Variants in ZNF611 observed in about 807,000 individuals in gnomAD.
The protein encoded by ZNF611 is zinc finger protein 611.
In ZNF611, 6 loss-of-function variants were observed where a neutral mutation model predicts 8.9. The observed-to-expected ratio is 0.68, with a 90% CI of 0.37 to 1.34. The LOEUF is 1.34. ZNF611 is among the 40% of genes most tolerant of loss of function. The pLI, the probability that ZNF611 is intolerant of heterozygous loss-of-function variation, is 0.02. For synonymous variants in ZNF611, 262 were observed against 279.7 expected (o/e 0.94, Z 0.63); for missense variants, 874 against 841.3 (o/e 1.04, Z -0.48).
Position 52,704,714 on chromosome 19 carries a change from C to A in ZNF611, c.*223G>T. ...TCAAGTTTCCCTACACCATGAATTG[C>A]CTGATGGTGAATAAGTGTTGACTGC... On this transcript the variant is annotated 3_prime_UTR_variant, in exon 6 of 6. Coordinates refer to ENST00000652185, the MANE Select transcript of ZNF611 (RefSeq NM_001161499.2). 1.3e-6 allele frequency: 2 copies of A among 1,597,592 alleles called. No individual in the cohort carries two copies. Among genetic ancestry groups the A allele is most frequent in the Admixed American group, 3.4e-5 (2 of 59,632 alleles).
intron 3 of ZNF611, among the ~76,000 whole-genome samples, chr19:52,718,831 C>T (rs751411417): frequency 5.9e-5 from 9 of 151,760 alleles, no homozygotes; most frequent in East Asian, 5.8e-4. Flanking sequence ...ACAAAAAACC[C>T]GACAACAACA....
At chr19:52,716,016 C>A in intron 3 of ZNF611, 103 bp from the exon 4 acceptor site, 1 of 1,296,102 alleles carries the variant, frequency 7.7e-7, no homozygotes, top group South Asian at 1.3e-5. Flanking sequence ...GAAAGAAGTC[C>A]CCCACTGCCC....
At chr19:52,718,019 T>C (rs920946919) in intron 3 of ZNF611, among the ~76,000 whole-genome samples, 3 of 152,012 alleles carry the variant, frequency 2.0e-5, no homozygotes, top group Non-Finnish European at 4.4e-5. Context: ...AAATCTTGGG[T>C]CAAAGGAGAA....
chr19:52,705,809 G>A lies in ZNF611; in HGVS notation c.1246C>T (p.His416Tyr). The part of the protein sequence containing the change: ...AFTWHSQLAR[H>Y]RRIHTAKKTY... ...TTCTTTGCAGTATGAATTCTTCTAT[G>A]TCGAGCCAGCTGTGAATGCCACGTG... is the stretch of plus-strand genomic sequence containing the variant. The change falls in exon 6 of 6, where the codon CAT becomes TAT. Residue 416 changes from histidine (H) to tyrosine (Y), a missense_variant. Coordinates refer to ENST00000652185, the MANE Select transcript of ZNF611 (RefSeq NM_001161499.2). 3 of 1,613,918 alleles carry A rather than the reference G, an allele frequency of 1.9e-6. No individual in the cohort carries two copies. The highest frequency in any genetic ancestry group is 2.5e-6 in the Non-Finnish European group (3 of 1,179,988).
chr19:52,713,216 C>A (rs1444013284), intron 5 of ZNF611, among the ~76,000 whole-genome samples: 1 of 151,994 alleles, frequency 6.6e-6, no homozygotes, highest in East Asian at 1.9e-4. Flanking sequence ...AACAAAAAAA[C>A]AACAACATAG....
chr19:52,733,186 C>T (rs867322040), intron 1 of ZNF611, among the ~76,000 whole-genome samples: 1 of 152,170 alleles, frequency 6.6e-6, no homozygotes, highest in African/African-American at 2.4e-5. Flanking sequence ...AATTCTCAAT[C>T]TCATCTGTGT....
At chr19:52,709,729 G>A (rs150648594) in intron 5 of ZNF611, among the ~76,000 whole-genome samples, 4,627 of 151,996 alleles carry the variant, frequency 0.03, 138 homozygotes, top group African/African-American at 0.075. Flanking sequence ...CACCACTCCC[G>A]GCTAATTTTG....
chr19:52,733,297 C>T (rs2062436739), intron 1 of ZNF611, among the ~76,000 whole-genome samples: 1 of 152,140 alleles, frequency 6.6e-6, no homozygotes. Context: ...AACCCAGTCT[C>T]TCGCCCCTTT....
intron 3 of ZNF611, among the ~76,000 whole-genome samples, chr19:52,717,351 A>G (rs1233252952): frequency 6.6e-6 from 1 of 152,222 alleles, no homozygotes; most frequent in Non-Finnish European, 1.5e-5. Context: ...TACCAGAACA[A>G]GGACCTAGAA....
chr19:52,717,835 G>A (rs1471435744), intron 3 of ZNF611: 1 of 271,396 alleles, frequency 3.7e-6, no homozygotes, highest in Non-Finnish European at 5.6e-6. Context: ...AAGGAAAAAA[G>A]GTCCTTGATA....
Position 52,704,422 on chromosome 19 carries a change from C to A in ZNF611, c.*515G>T. The A allele has an allele frequency of 1.4e-6, 1 of 698,664 alleles. No individual in the cohort carries two copies. The highest frequency in any genetic ancestry group is 2.7e-6 in the Non-Finnish European group (1 of 373,588). 43.3% of individuals were successfully genotyped at this position (698,664 alleles called of 1,614,324 possible). A position where few individuals can be genotyped will look rare whatever the true frequency, so the allele number is the denominator to read the frequency against. ...TGAACGTGAAGCAAAGGCTTTGCCA[C>A]AATCATCACACTTGTGAGGTTTCTC... On this transcript the variant is annotated 3_prime_UTR_variant, in exon 6 of 6. Coordinates refer to ENST00000652185, the MANE Select transcript of ZNF611 (RefSeq NM_001161499.2).
chr19:52,703,358 T>G lies in ZNF611; in HGVS notation c.*1579A>C, dbSNP rs1367998609. ...GTATAGTGGCACAATTTTGGTTCAC[T>G]GCAACTTCTACCTCCTAGGTTTAAG... is the stretch of plus-strand genomic sequence containing the variant. On this transcript the variant is annotated 3_prime_UTR_variant, in exon 6 of 6. Coordinates refer to ENST00000652185, the MANE Select transcript of ZNF611 (RefSeq NM_001161499.2). The G allele has an allele frequency of 6.6e-6, 1 of 152,138 alleles. No homozygotes were observed. Among genetic ancestry groups the G allele is most frequent in the Non-Finnish European group, 1.5e-5 (1 of 68,032 alleles). The allele number at this position is 152,138 out of a possible 1,614,324, so 9.4% of individuals were successfully genotyped here.
rs1405366388 is a variant in ZNF611, at chr19:52,714,951, T to C, written c.64-810A>G. On this transcript the variant is annotated intron_variant, in intron 4 of 5. Coordinates refer to ENST00000652185, the MANE Select transcript of ZNF611 (RefSeq NM_001161499.2). The stretch of plus-strand genomic sequence containing the variant: ...AGGCGGAGGTTGCAGTGAGCCAAGA[T>C]CGCACCACTGCACTTTAGCCTGGCA... Among the ~76,000 whole-genome samples the C allele has an allele frequency of 4.0e-5, 6 of 151,410 alleles. No individual in the cohort carries two copies. In the East Asian group the frequency reaches 7.9e-4, roughly 20 times the overall value.
Position 52,720,664 on chromosome 19 carries a change from C to T in ZNF611, c.-19-4751G>A, listed in dbSNP as rs112869425. Among the ~76,000 whole-genome samples the T allele has an allele frequency of 4.9e-3, 604 of 122,302 alleles. 10 individuals carry two copies. The highest frequency in any genetic ancestry group is 0.022 in the African/African-American group (565 of 26,230). 80.2% of individuals were successfully genotyped at this position (122,302 alleles called of 152,430 possible). A position where few individuals can be genotyped will look rare whatever the true frequency, so the allele number is the denominator to read the frequency against. ...GCAGAGGTGCTCCTCACATCTCAGACGGGGCGGCTGCTGGGCAGAGGCGCT... is the reference window on the plus strand; with the variant it reads ...GCAGAGGTGCTCCTCACATCTCAGATGGGGCGGCTGCTGGGCAGAGGCGCT... On this transcript the variant is annotated intron_variant, in intron 3 of 5. Transcript: ENST00000652185.
At chr19:52,711,390 A>T (rs542359576) in intron 5 of ZNF611, 3 of 152,246 alleles carry the variant, frequency 2.0e-5, no homozygotes, top group East Asian at 1.9e-4. Flanking sequence ...AGGCAAATTA[A>T]CATTATTTCT....
rs1600306263 is a variant in ZNF611, at chr19:52,706,660, A to T, written c.395T>A (p.Ile132Lys). Reference protein sequence around the residue: ...RNGLEAPMTKIKKLTGSTDQH... With the variant: ...RNGLEAPMTKKKKLTGSTDQH... ...GTCTGTGCTACCAGTCAACTTTTTT[A>T]TTTTTGTCATGGGTGCTTCAAGGCC... Residue 132 changes from isoleucine (I) to lysine (K), a missense_variant, in exon 6 of 6, where the codon ATA (isoleucine) becomes AAA (lysine). Transcript: ENST00000652185. 1.2e-6 allele frequency: 2 copies of T among 1,613,580 alleles called. No homozygotes were observed. Among genetic ancestry groups the T allele is most frequent in the East Asian group, 4.5e-5 (2 of 44,864 alleles).
Position 52,706,177 on chromosome 19 carries a change from CCA to C in ZNF611, c.876_877del (p.Cys292TrpfsTer15). On this transcript the variant is annotated frameshift_variant, in exon 6 of 6. Transcript: ENST00000652185. LOFTEE classifies it low-confidence loss of function (END_TRUNC). ...GGATGACTCCTGACTGAAGGTCTTG[CCA>C]CACTCTTTACACTTGTAAGGTTTCT... 1.2e-6 allele frequency: 2 copies of C among 1,614,098 alleles called. No individual in the cohort carries two copies. The highest frequency in any genetic ancestry group is 1.7e-6 in the Non-Finnish European group (2 of 1,179,972).
intron 5 of ZNF611, among the ~76,000 whole-genome samples, chr19:52,713,456 C>T (rs2062293637): frequency 6.6e-6 from 1 of 152,160 alleles, no homozygotes; most frequent in African/African-American, 2.4e-5. Context: ...GAGCCTCATA[C>T]ATATGAGGCT....
rs1294332707 is a variant in ZNF611 at position 52,705,074 on chromosome 19, G to A, written c.1981C>T (p.Arg661Cys). The change falls in exon 6 of 6, where the codon CGT becomes TGT. Residue 661 changes from arginine to cysteine, a missense_variant. Transcript: ENST00000652185. ...KCTICDKAFV[R>C]NSLLSRHTRI... ...GTATGTCTTGACAGGAGTGAATTAC[G>A]CACGAAAGCCTTGTCACAAATTGTA... The A allele has an allele frequency of 1.6e-5, 26 of 1,613,808 alleles. 1 individual carries two copies. Among genetic ancestry groups the A allele is most frequent in the South Asian group, 9.9e-5 (9 of 91,074 alleles).
Sources: gnomAD v4.1 joint callset for allele counts (sites outside exome capture counted in the v4.1 genomes callset) on GRCh38, gnomAD v4.1.1 for gene constraint, MANE v1.5 for transcripts, NCBI Gene and HGNC (gene_info 2026-07-23, HGNC 2026-07-21) for gene names.